ADAP2: variants seen among roughly 807,000 people sequenced by gnomAD.
The protein encoded by ADAP2 is ArfGAP with dual PH domains 2.
ADAP2 carries 42 observed loss-of-function variants against 54.9 expected under a neutral mutation model. The observed-to-expected ratio is 0.77, with a 90% CI of 0.60 to 0.99. The LOEUF is 0.99. ADAP2 is among the 50% of genes least tolerant of loss of function. The pLI is 0.00. For synonymous variants in ADAP2, 177 were observed against 180.1 expected, an observed-to-expected ratio of 0.98 and a Z score of 0.14; for missense variants, 429 against 480.4, an observed-to-expected ratio of 0.89 and a Z score of 1.00.
At chr17:30,931,838 A>T in intron 3 of ADAP2, 51 bp from the exon 4 acceptor site, 1 of 1,454,664 alleles carries the variant, frequency 6.9e-7, no homozygotes, top group Non-Finnish European at 9.5e-7. Flanking sequence ...CAAAAAAAAA[A>T]AAAAAAGAGA....
intron 5 of ADAP2, among the ~76,000 whole-genome samples, chr17:30,942,557 C>T (rs1912351442): frequency 6.6e-6 from 1 of 152,164 alleles, no homozygotes. Context: ...TGCAACATTA[C>T]TTATGATAGC....
chr17:30,945,929 G>A (rs373394428), intron 6 of ADAP2, among the ~76,000 whole-genome samples: 5 of 151,262 alleles, frequency 3.3e-5, no homozygotes, highest in South Asian at 2.1e-4. Flanking sequence ...CGAGGCAGGC[G>A]GATCACGAGG....
rs1193415706 is a variant in ADAP2 at position 30,923,062 on chromosome 17, A to G, written c.217A>G (p.Ile73Val). 7.4e-6 allele frequency: 12 copies of G among 1,613,470 alleles called. No individual in the cohort carries two copies. The highest frequency in any genetic ancestry group is 1.7e-5 in the Admixed American group (1 of 59,960). Residue 73 changes from isoleucine (I) to valine (V), a missense_variant, in exon 2 of 11, where the codon ATT becomes GTT. Transcript: ENST00000330889. ...GCGACTTGACTTCTGGGACGACAGT[A>G]TTGTGGAGGTAGAAAGGCATGCCCG... ...SVRLDFWDDS[I>V]VEFMIHNGNL...
In ADAP2 at chr17:30,949,387, C is replaced by T; in HGVS notation, c.741+17C>T. ...GAGTCTGAGGTGAGCTAAATGCGGA[C>T]CCCAATTTCTGAATCTCCTCTTGGC... On this transcript the variant is annotated intron_variant, in intron 7 of 10. Coordinates refer to ENST00000330889, the MANE Select transcript of ADAP2 (RefSeq NM_018404.3). 6.2e-7 allele frequency: 1 copy of T among 1,608,296 alleles called. No homozygotes were observed. The highest frequency in any genetic ancestry group is 8.5e-7 in the Non-Finnish European group (1 of 1,174,756).
intron 1 of ADAP2, among the ~76,000 whole-genome samples, 199 bp from the exon 2 acceptor site, chr17:30,922,741 C>T (rs918009818): frequency 2.0e-5 from 3 of 152,240 alleles, no homozygotes; most frequent in South Asian, 4.1e-4. Flanking sequence ...ACTCTCTCCC[C>T]GGGCCCTGAA....
chr17:30,945,920 GAGGCAGGCGGA>G (rs1912636509), intron 6 of ADAP2, among the ~76,000 whole-genome samples: 2 of 151,246 alleles, frequency 1.3e-5, no homozygotes, highest in Non-Finnish European at 2.9e-5. Flanking sequence ...TTGGGAGGCC[GAGGCAGGCGGA>G]TCACGAGGTC....
chr17:30,930,683 TG>T (rs1385137666), intron 3 of ADAP2, among the ~76,000 whole-genome samples: 2 of 152,216 alleles, frequency 1.3e-5, no homozygotes, highest in Admixed American at 1.3e-4. Context: ...CAAAGAGCTC[TG>T]AATGACCAGG....
At chr17:30,930,718 G>A (rs977885519) in intron 3 of ADAP2, among the ~76,000 whole-genome samples, 1 of 152,174 alleles carries the variant, frequency 6.6e-6, no homozygotes, top group Non-Finnish European at 1.5e-5. Context: ...CCAGCTCTAG[G>A]TCATTCCTGT....
At chr17:30,939,150 C>T (rs1598039820) in intron 5 of ADAP2, among the ~76,000 whole-genome samples, 1 of 151,858 alleles carries the variant, frequency 6.6e-6, no homozygotes, top group African/African-American at 2.4e-5. Context: ...TACAAAAGGC[C>T]GGAAGAGAAA....
At chr17:30,927,169 G>A (rs1057101883) in intron 3 of ADAP2, among the ~76,000 whole-genome samples, 1 of 152,054 alleles carries the variant, frequency 6.6e-6, no homozygotes, top group African/African-American at 2.4e-5. Flanking sequence ...CTTAAATGGA[G>A]GATTTTTCTG....
At position 30,958,542 on chromosome 17, in the gene ADAP2, T is replaced by C. The variant is rs1193293788; in HGVS notation, c.*673T>C. 1 of 152,336 alleles carries C rather than the reference T, an allele frequency of 6.6e-6. No individual in the cohort carries two copies. Among genetic ancestry groups the C allele is most frequent in the Non-Finnish European group, 1.5e-5 (1 of 68,120 alleles). The allele number at this position is 152,336 out of a possible 1,614,324, so 9.4% of individuals were successfully genotyped here. ...AAGCACCACGCAGAAATACACTGGATGTTCTCTCTTTGCTTCAATGGAGAC... is the reference window on the plus strand; with the variant it reads ...AAGCACCACGCAGAAATACACTGGACGTTCTCTCTTTGCTTCAATGGAGAC... On this transcript the variant is annotated 3_prime_UTR_variant, in exon 11 of 11. Transcript: ENST00000330889.
intron 5 of ADAP2, among the ~76,000 whole-genome samples, chr17:30,938,040 C>G (rs1912014319): frequency 6.6e-6 from 1 of 152,186 alleles, no homozygotes; most frequent in African/African-American, 2.4e-5. Flanking sequence ...TGGCTAGGAT[C>G]ACCTAAGCAG....
chr17:30,932,000 A>G (rs1231327507), intron 4 of ADAP2, 32 bp downstream of exon 4: 4 of 1,594,132 alleles, frequency 2.5e-6, no homozygotes, highest in Admixed American at 1.7e-5. Context: ...TTTGAAATCT[A>G]TGTTTTAATG....
rs1435328724 is a variant in ADAP2 at position 30,922,019 on chromosome 17, G to A, written c.5G>A (p.Gly2Asp). 4 of 1,277,678 alleles carry A rather than the reference G, an allele frequency of 3.1e-6. No homozygotes were observed. Among genetic ancestry groups the A allele is most frequent in the Non-Finnish European group, 3.0e-6 (3 of 1,016,824 alleles). 79.1% of individuals were successfully genotyped at this position (1,277,678 alleles called of 1,614,324 possible). A position where few individuals can be genotyped will look rare whatever the true frequency, so the allele number is the denominator to read the frequency against. Reference sequence around the variant, plus strand: ...GCTGAGCCCGCCGGGCCGGCCATGGGCGATCGCGAGCGCAACAAGAAGCGG... The same window carrying A: ...GCTGAGCCCGCCGGGCCGGCCATGGACGATCGCGAGCGCAACAAGAAGCGG... MGDRERNKKRLL... is the reference protein window; with the variant it reads MDDRERNKKRLL... The change falls in exon 1 of 11, where the codon GGC becomes GAC. Residue 2 changes from glycine (G) to aspartate (D), a missense_variant. Transcript: ENST00000330889.
At chr17:30,947,362 G>GT (rs1016442068) in intron 6 of ADAP2, among the ~76,000 whole-genome samples, 13 of 151,124 alleles carry the variant, frequency 8.6e-5, no homozygotes, top group Non-Finnish European at 1.5e-4. Context: ...GAGACCTAAG[G>GT]TTTTTTTTTG....
chr17:30,928,184 C>CTG (rs1911204179), intron 3 of ADAP2, among the ~76,000 whole-genome samples: 1 of 120,450 alleles, frequency 8.3e-6, no homozygotes, highest in Non-Finnish European at 1.7e-5. Context: ...CAGAAGGAGA[C>CTG]TGTCTCAAAA....
chr17:30,957,374 C>G (rs1487348787), intron 10 of ADAP2, among the ~76,000 whole-genome samples: 1 of 151,806 alleles, frequency 6.6e-6, no homozygotes, highest in Admixed American at 6.6e-5. Context: ...CGCCCTGGCT[C>G]TCACTCTTTC....
intron 2 of ADAP2, among the ~76,000 whole-genome samples, chr17:30,925,304 C>G (rs1050372970): frequency 2.0e-5 from 3 of 151,572 alleles, no homozygotes; most frequent in Non-Finnish European, 4.4e-5. Flanking sequence ...ATTCTCCTGC[C>G]TCAGTCTCCT....
intron 5 of ADAP2, among the ~76,000 whole-genome samples, chr17:30,944,667 C>G (rs988719974): frequency 6.6e-6 from 1 of 152,068 alleles, no homozygotes; most frequent in Non-Finnish European, 1.5e-5. Context: ...ACCAAGTTGG[C>G]CAGGCTGGTT....
Sources: gnomAD v4.1 joint callset for allele counts (sites outside exome capture counted in the v4.1 genomes callset) on GRCh38, gnomAD v4.1.1 for gene constraint, MANE v1.5 for transcripts, NCBI Gene and HGNC (gene_info 2026-07-23, HGNC 2026-07-21) for gene names.